Variants in NAT16 observed in about 807,000 individuals in gnomAD.
The protein encoded by NAT16 is N-acetyltransferase 16 (putative).
NAT16 carries 16 observed loss-of-function variants against 15.9 expected under a neutral mutation model. The ratio of observed to expected loss-of-function variants is 1.01; its 90% CI spans 0.68 to 1.53. The LOEUF is 1.53. NAT16 is among the 40% of genes most tolerant of loss of function. The pLI, the probability that NAT16 is intolerant of heterozygous loss-of-function variation, is 0.00. For synonymous variants in NAT16, 260 were observed against 241.9 expected, an observed-to-expected ratio of 1.07 and a Z score of -0.69; for missense variants, 572 against 508.4, an observed-to-expected ratio of 1.13 and a Z score of -1.20.
rs1041018030 is a variant in NAT16, at chr7:101,174,558, A to T, written c.250T>A (p.Tyr84Asn). 6.2e-7 allele frequency: 1 copy of T among 1,612,602 alleles called. No individual in the cohort carries two copies. The highest frequency in any genetic ancestry group is 8.5e-7 in the Non-Finnish European group (1 of 1,179,788). ...TCGGGGTCCCGGAGCCAGCTGTGGTAGCGGCTAGGAAGGTAGTCCAGGCCG... is the reference window on the plus strand; with the variant it reads ...TCGGGGTCCCGGAGCCAGCTGTGGTTGCGGCTAGGAAGGTAGTCCAGGCCG... ...YGGLDYLPSR[Y>N]HSWLRDPDRT... Residue 84 changes from tyrosine to asparagine, a missense_variant, in exon 2 of 4, where the codon TAC (tyrosine) becomes AAC (asparagine). Transcript: ENST00000300303.
At chr7:101,180,004 GC>G (rs1797556314) in intron 1 of NAT16, 37 bp downstream of exon 1, 1 of 152,600 alleles carries the variant, frequency 6.6e-6, no homozygotes, top group Non-Finnish European at 1.5e-5. Context: ...GAGCACGCTA[GC>G]CCCCTCCCCA....
At chr7:101,179,008 C>G (rs1420883585) in intron 1 of NAT16, 2 of 150,974 alleles carry the variant, frequency 1.3e-5, no homozygotes, top group African/African-American at 2.4e-5. Flanking sequence ...AGGGGGTGAT[C>G]AGAGTCATAG....
At position 101,172,212 on chromosome 7, in the gene NAT16, C is replaced by A. The variant is rs1797339952; in HGVS notation, c.977G>T (p.Gly326Val). 1.9e-6 allele frequency: 3 copies of A among 1,613,794 alleles called. No individual in the cohort carries two copies. The highest frequency in any genetic ancestry group is 4.5e-5 in the East Asian group (2 of 44,854). The change falls in exon 4 of 4, where the codon GGC (glycine) becomes GTC (valine). Residue 326 changes from glycine (G) to valine (V), a missense_variant. Physicochemically the swap from Gly to Val is moderately radical, Grantham distance 109 (BLOSUM62 -3). Transcript: ENST00000300303. This position sits in a 1 kb window ranked among gnomAD's most constrained non-coding sequence, Gnocchi z 4.2. ...GAAGAGCTGGCACATGACGTTGAGG[C>A]CAACGAGGCGCGGGGCCTGGCGCTG... ...HLQRQAPRLVGLNVMCQLFLE... is the reference protein window; with the variant it reads ...HLQRQAPRLVVLNVMCQLFLE...
chr7:101,172,350 C>G lies in NAT16; in HGVS notation c.839G>C (p.Cys280Ser), dbSNP rs1407332139. 1 of 1,593,328 alleles carries G rather than the reference C, an allele frequency of 6.3e-7. No homozygotes were observed. The highest frequency in any genetic ancestry group is 1.1e-5 in the South Asian group (1 of 89,434). Reference protein sequence around the residue: ...SRARPRVLTLCTRPFPIPHGG... With the variant: ...SRARPRVLTLSTRPFPIPHGG... ...GTGCGGGATGGGGAAGGGGCGCGTGCACAGCGTGAGCACGCGCGGGCGCGC... is the reference window on the plus strand; with the variant it reads ...GTGCGGGATGGGGAAGGGGCGCGTGGACAGCGTGAGCACGCGCGGGCGCGC... The change falls in exon 4 of 4, where the codon TGC (cysteine) becomes TCC (serine). Residue 280 changes from cysteine (C) to serine (S), a missense_variant. By Grantham distance (112) the Cys-to-Ser change is moderately radical. Coordinates refer to ENST00000300303, the MANE Select transcript of NAT16 (RefSeq NM_198571.3). This position sits in a 1 kb window ranked among gnomAD's most constrained non-coding sequence, Gnocchi z 4.2.
Position 101,172,291 on chromosome 7 carries a change from C to A in NAT16, c.898G>T (p.Asp300Tyr), listed in dbSNP as rs1410263733. 4 of 1,612,052 alleles carry A rather than the reference C, an allele frequency of 2.5e-6. No homozygotes were observed. Among genetic ancestry groups the A allele is most frequent in the Non-Finnish European group, 3.4e-6 (4 of 1,179,574 alleles). The change falls in exon 4 of 4, where the codon GAC becomes TAC. Residue 300 changes from aspartate (D) to tyrosine (Y), a missense_variant. Asp to Tyr is a radical substitution (Grantham distance 160). Coordinates refer to ENST00000300303, the MANE Select transcript of NAT16 (RefSeq NM_198571.3). This position sits in a 1 kb window ranked among gnomAD's most constrained non-coding sequence, Gnocchi z 4.2. ...TGCGCGCCGTCGCTACCGAAGGCGT[C>A]GATGTTGAGATAGCGCCAAGTGCCG... ...GDGTWRYLNIDAFGSDGAQVQ... is the reference protein window; with the variant it reads ...GDGTWRYLNIYAFGSDGAQVQ...
rs1356835196 is a variant in NAT16 at position 101,170,754 on chromosome 7, G to T, written c.*1325C>A. ...CTGTCAACATTCTCCTAGCACCTACGCATTGCCCAACAAGAAGTTCAAGCT... is the reference window on the plus strand; with the variant it reads ...CTGTCAACATTCTCCTAGCACCTACTCATTGCCCAACAAGAAGTTCAAGCT... On this transcript the variant is annotated 3_prime_UTR_variant, in exon 4 of 4. Transcript: ENST00000300303. The T allele has an allele frequency of 5.2e-5, 8 of 152,462 alleles. No individual in the cohort carries two copies. Among genetic ancestry groups the T allele is most frequent in the African/African-American group, 1.9e-4 (8 of 41,548 alleles). The allele number at this position is 152,462 out of a possible 1,614,324, so 9.4% of individuals were successfully genotyped here.
In NAT16 at chr7:101,174,501, C is replaced by A; in HGVS notation, c.307G>T (p.Gly103Cys). 1 of 1,611,366 alleles carries A rather than the reference C, an allele frequency of 6.2e-7. No homozygotes were observed. Among genetic ancestry groups the A allele is most frequent in the Non-Finnish European group, 8.5e-7 (1 of 1,178,864 alleles). ...RTVVLAKRNG[G>C]VIALESVNVI... ...GGCCGTGCCCCCGGGCTCACCACGC[C>A]TCCGTTGCGCTTGGCCAGCACCACC... Residue 103 changes from glycine (G) to cysteine (C), a missense_variant, in exon 2 of 4, where the codon GGC (glycine) becomes TGC (cysteine). Physicochemically the swap from Gly to Cys is radical, Grantham distance 159. Coordinates refer to ENST00000300303, the MANE Select transcript of NAT16 (RefSeq NM_198571.3).
rs753349664 is a variant in NAT16 at position 101,172,135 on chromosome 7, C to T, written c.1054G>A (p.Gly352Arg). 6.2e-7 allele frequency: 1 copy of T among 1,614,108 alleles called. No individual in the cohort carries two copies. Among genetic ancestry groups the T allele is most frequent in the South Asian group, 1.1e-5 (1 of 91,088 alleles). ...GTATAACCCTTCACCAGCTCCAGTC[C>T]CAGCCCGACCTGGCAGAAGTCAGCC... ...QLADFCQVGLGLELVKGYTEQ... is the reference protein window; with the variant it reads ...QLADFCQVGLRLELVKGYTEQ... Residue 352 changes from glycine (G) to arginine (R), a missense_variant, in exon 4 of 4, where the codon GGA (glycine) becomes AGA (arginine). By Grantham distance (125) the Gly-to-Arg change is moderately radical. Transcript: ENST00000300303. The surrounding 1 kb of genome is among the most constrained non-coding windows in gnomAD (Gnocchi z 4.2).
intron 2 of NAT16, 141 bp from the exon 3 acceptor site, chr7:101,173,661 G>A: frequency 3.1e-6 from 2 of 646,234 alleles, no homozygotes; most frequent in Non-Finnish European, 5.1e-6. Context: ...GGGTAGCACG[G>A]CACTTGGGCC....
In NAT16 at chr7:101,172,484, G is replaced by T; in HGVS notation, c.705C>A (p.Asp235Glu). The part of the protein sequence containing the change: ...RLLLSPSVQR[D>E]VLPGGTIIQD... ...GGATGATGGTCCCGCCTGGAAGCAC[G>T]TCGCGCTGCACGGAGGGTGACAGCA... Residue 235 changes from aspartate to glutamate, a missense_variant, in exon 4 of 4, where the codon GAC (aspartate) becomes GAA (glutamate). Physicochemically the swap from Asp to Glu is conservative, Grantham distance 45. Transcript: ENST00000300303. The surrounding 1 kb of genome is among the most constrained non-coding windows in gnomAD (Gnocchi z 4.2). 1 of 1,598,562 alleles carries T rather than the reference G, an allele frequency of 6.3e-7. No individual in the cohort carries two copies. Among genetic ancestry groups the T allele is most frequent in the South Asian group, 1.1e-5 (1 of 89,964 alleles).
Position 101,173,431 on chromosome 7 carries a change from G to A in NAT16, c.402C>T (p.Gly134=), listed in dbSNP as rs1474078276. 2 of 1,612,604 alleles carry A rather than the reference G, an allele frequency of 1.2e-6. No homozygotes were observed. The highest frequency in any genetic ancestry group is 1.7e-6 in the Non-Finnish European group (2 of 1,179,234). The change falls in exon 3 of 4, where the codon GGC becomes GGT. Residue 134 remains glycine (G), a synonymous_variant. Coordinates refer to ENST00000300303, the MANE Select transcript of NAT16 (RefSeq NM_198571.3). ...LRVAPWERGK[G]VAGLLQRFCS... is the part of the protein sequence containing the mutation. ...AGAAGCGCTGCAGCAGCCCGGCCAC[G>A]CCCTTCCCGCGCTCCCAGGGCGCCA... is the stretch of plus-strand genomic sequence containing the variant.
rs768179140 is a variant in NAT16 at position 101,172,686 on chromosome 7, G to T, written c.538-35C>A. The T allele has an allele frequency of 1.4e-6, 2 of 1,416,686 alleles. No individual in the cohort carries two copies. Among genetic ancestry groups the T allele is most frequent in the South Asian group, 1.4e-5 (1 of 69,230 alleles). The allele number at this position is 1,416,686 out of a possible 1,614,324, so 87.8% of individuals were successfully genotyped here. On this transcript the variant is annotated intron_variant, in intron 3 of 3. Coordinates refer to ENST00000300303, the MANE Select transcript of NAT16 (RefSeq NM_198571.3). The surrounding 1 kb of genome is among the most constrained non-coding windows in gnomAD (Gnocchi z 4.2). ...GCACGAGTGAGCGCGGGGAGGGGGG[G>T]CGCAGCAGGGCTGGCGAGCCCGGCG...
chr7:101,173,187 C>T (rs778919939), intron 3 of NAT16, 109 bp downstream of exon 3: 1 of 1,018,152 alleles, frequency 9.8e-7, no homozygotes. Context: ...CCGCGCCACT[C>T]GGTAAAGCCC....
At position 101,173,442 on chromosome 7, in the gene NAT16, G is replaced by A. The variant is rs372443350; in HGVS notation, c.391C>T (p.Arg131Cys). The A allele has an allele frequency of 3.8e-5, 61 of 1,612,166 alleles. No individual in the cohort carries two copies. Among genetic ancestry groups the A allele is most frequent in the Admixed American group, 5.0e-5 (3 of 59,898 alleles). Residue 131 changes from arginine to cysteine, a missense_variant, in exon 3 of 4, where the codon CGC becomes TGC. By Grantham distance (180) the Arg-to-Cys change is radical. Coordinates refer to ENST00000300303, the MANE Select transcript of NAT16 (RefSeq NM_198571.3). The part of the protein sequence containing the change: ...VEGLRVAPWE[R>C]GKGVAGLLQR... ...AGCAGCCCGGCCACGCCCTTCCCGC[G>A]CTCCCAGGGCGCCACGCGCAGCCCC...
rs186224370 is a variant in NAT16, at chr7:101,178,822, C to T, written c.-5+1220G>A. Among the ~76,000 whole-genome samples, 1,029 of 131,674 alleles carry T rather than the reference C, an allele frequency of 7.8e-3. 7 individuals carry two copies. The highest frequency in any genetic ancestry group is 0.011 in the Non-Finnish European group (687 of 64,896). 86.4% of individuals were successfully genotyped at this position (131,674 alleles called of 152,430 possible). A position where few individuals can be genotyped will look rare whatever the true frequency, so the allele number is the denominator to read the frequency against. On this transcript the variant is annotated intron_variant, in intron 1 of 3. Transcript: ENST00000300303. The stretch of plus-strand genomic sequence containing the variant: ...AGGAGAATCGCTTCAACCCGGGAGG[C>T]CGAGATTGTGGTGAGCCGAGATCAC...
intron 2 of NAT16, chr7:101,173,857 G>T: frequency 2.9e-6 from 1 of 343,892 alleles, no homozygotes. Context: ...CTTCCTAGTA[G>T]CTGGGACAAC....
intron 3 of NAT16, 138 bp downstream of exon 3, chr7:101,173,158 C>A (rs1047094437): frequency 1.3e-6 from 1 of 780,758 alleles, no homozygotes; most frequent in Non-Finnish European, 2.2e-6. Flanking sequence ...ACTGGGAGTC[C>A]CAGGGCAAGG....
intron 2 of NAT16, chr7:101,174,099 T>A: frequency 3.5e-6 from 1 of 286,752 alleles, no homozygotes. Flanking sequence ...GCCCCTTCCT[T>A]GGCTCCTCCC....
At position 101,172,087 on chromosome 7, in the gene NAT16, C is replaced by T. The variant is rs1386567207; in HGVS notation, c.1102G>A (p.Asp368Asn). ...CCGCCAGAGGAGAGGCCTCAGATGT[C>T]GGCCTCCAGCAGGTACTGTTCAGTA... ...GYTEQYLLEA[D>N]I Residue 368 changes from aspartate to asparagine, a missense_variant, in exon 4 of 4, where the codon GAC becomes AAC. Transcript: ENST00000300303. This position sits in a 1 kb window ranked among gnomAD's most constrained non-coding sequence, Gnocchi z 4.2. 1 of 1,605,842 alleles carries T rather than the reference C, an allele frequency of 6.2e-7. No individual in the cohort carries two copies. Among genetic ancestry groups the T allele is most frequent in the South Asian group, 1.1e-5 (1 of 90,494 alleles).
Sources: allele counts gnomAD v4.1 joint callset (sites outside exome capture counted in the v4.1 genomes callset), GRCh38; gene constraint gnomAD v4.1.1; non-coding constraint Gnocchi (gnomAD v3.1); transcripts MANE v1.5; gene names NCBI Gene and HGNC (gene_info 2026-07-23, HGNC 2026-07-21).